CRYBG3: variants seen among roughly 807,000 people sequenced by gnomAD.
CRYBG3 encodes very large A-kinase anchor protein.
A neutral mutation model predicts 244.2 loss-of-function variants in CRYBG3; 127 were observed. That is an observed-to-expected ratio of 0.52 (90% CI 0.45 to 0.60). The LOEUF (loss-of-function observed/expected upper bound fraction) is 0.60, where lower values mean the gene tolerates loss of function less well. Among genes scored for constraint, CRYBG3 ranks in the 20% least tolerant of loss-of-function variants. CRYBG3 has a pLI of 0.00. For missense variants in CRYBG3, 3,325 were observed against 3,442.5 expected (o/e 0.97, Z 0.85); for synonymous variants, 1,132 against 1,195.8 (o/e 0.95, Z 1.10).
At chr3:97,865,721 G>A (rs888245596) in intron 3 of CRYBG3, among the ~76,000 whole-genome samples, 1 of 151,996 alleles carries the variant, frequency 6.6e-6, no homozygotes, top group Admixed American at 6.6e-5. Context: ...AGAATATGAT[G>A]GCATTATGTG....
intron 6 of CRYBG3, among the ~76,000 whole-genome samples, chr3:97,880,777 C>T (rs1441862110): frequency 2.0e-5 from 3 of 152,150 alleles, no homozygotes; most frequent in East Asian, 1.9e-4. Context: ...TGTATAGTTT[C>T]GTATAGACCA....
chr3:97,877,461 T>C lies in CRYBG3; in HGVS notation c.6267T>C (p.Tyr2089=). Reference sequence around the variant, plus strand: ...ATCCTTTAGCATTGTCTCCCATTTATGAGGATGACAGCTCACAGGAGGACA... The same window carrying C: ...ATCCTTTAGCATTGTCTCCCATTTACGAGGATGACAGCTCACAGGAGGACA... ...KIYPLALSPI[Y]EDDSSQEDIL... The change falls in exon 4 of 22, where the codon TAT becomes TAC. Residue 2089 remains tyrosine (Y), a synonymous_variant. Transcript: ENST00000389622. The C allele has an allele frequency of 6.2e-7, 1 of 1,614,196 alleles. No individual in the cohort carries two copies. The highest frequency in any genetic ancestry group is 1.6e-4 in the Middle Eastern group (1 of 6,062).
In CRYBG3 at chr3:97,872,123, G is replaced by C; in HGVS notation, c.929G>C (p.Ser310Thr). The C allele has an allele frequency of 6.5e-7, 1 of 1,536,008 alleles. No individual in the cohort carries two copies. The highest frequency in any genetic ancestry group is 8.7e-7 in the Non-Finnish European group (1 of 1,146,814). The change falls in exon 4 of 22, where the codon AGT becomes ACT. Residue 310 changes from serine (S) to threonine (T), a missense_variant. By Grantham distance (58) the Ser-to-Thr change is moderately conservative. This residue lies in a region of CRYBG3 where 1,526 missense variants were observed against 1,443.2 expected (regional missense o/e 1.06). Coordinates refer to ENST00000389622, the MANE Select transcript of CRYBG3 (RefSeq NM_153605.4). ...GAAGACTCTGATTGTAGCAAAACAA[G>C]TTTCAACAAGGAAAATTCTTTGACA... ...PLEDSDCSKT[S>T]FNKENSLTNN...
At position 97,912,252 on chromosome 3, in the gene CRYBG3, G is replaced by A. The variant is rs764878377; in HGVS notation, c.8090G>A (p.Cys2697Tyr). 4.4e-6 allele frequency: 7 copies of A among 1,601,802 alleles called. No individual in the cohort carries two copies. The highest frequency in any genetic ancestry group is 3.4e-5 in the Admixed American group (2 of 58,672). Reference sequence around the variant, plus strand: ...TCTGATTTGACTTCACTCATGCCATGTTCTTTTAAAGTTCTTCGAGGTTGG... The same window carrying A: ...TCTGATTTGACTTCACTCATGCCATATTCTTTTAAAGTTCTTCGAGGTTGG... Reference protein sequence around the residue: ...ETSDLTSLMPCSFKVLRGCWL... With the variant: ...ETSDLTSLMPYSFKVLRGCWL... The change falls in exon 16 of 22, where the codon TGT becomes TAT. Residue 2697 changes from cysteine (C) to tyrosine (Y), a missense_variant. This residue lies in a region of CRYBG3 where 714 missense variants were observed against 803.6 expected (regional missense o/e 0.89). Coordinates refer to ENST00000389622, the MANE Select transcript of CRYBG3 (RefSeq NM_153605.4).
chr3:97,889,297 A>G, intron 9 of CRYBG3, 58 bp from the exon 10 acceptor site: 1 of 1,288,632 alleles, frequency 7.8e-7, no homozygotes, highest in Non-Finnish European at 1.1e-6. Context: ...TTCAGATATT[A>G]CATTCAAATG....
chr3:97,822,790 A>G (rs2038523249), intron 1 of CRYBG3, among the ~76,000 whole-genome samples: 2 of 152,220 alleles, frequency 1.3e-5, no homozygotes, highest in Admixed American at 1.3e-4. Flanking sequence ...TGGGGGCGCG[A>G]TCCCAGCACC....
At position 97,876,214 on chromosome 3, in the gene CRYBG3, C is replaced by T. The variant is rs2039370023; in HGVS notation, c.5020C>T (p.His1674Tyr). 2 of 1,231,364 alleles carry T rather than the reference C, an allele frequency of 1.6e-6. No individual in the cohort carries two copies. Among genetic ancestry groups the T allele is most frequent in the Non-Finnish European group, 2.0e-6 (2 of 987,824 alleles). The allele number at this position is 1,231,364 out of a possible 1,614,324, so 76.3% of individuals were successfully genotyped here. Reference sequence around the variant, plus strand: ...AGACATGGAAAATATTTACCAAACGCATGCTGAAGGGGATATTGGCAAGAC... The same window carrying T: ...AGACATGGAAAATATTTACCAAACGTATGCTGAAGGGGATATTGGCAAGAC... ...TVDMENIYQT[H>Y]AEGDIGKTGT... The change falls in exon 4 of 22, where the codon CAT becomes TAT. Residue 1674 changes from histidine to tyrosine, a missense_variant. By Grantham distance (83) the His-to-Tyr change is moderately conservative. Transcript: ENST00000389622.
chr3:97,828,563 A>C (rs1271558087), intron 1 of CRYBG3, among the ~76,000 whole-genome samples: 1 of 150,896 alleles, frequency 6.6e-6, no homozygotes, highest in African/African-American at 2.4e-5. Context: ...GTGGTGGCTC[A>C]TGCCTGTAAT....
intron 17 of CRYBG3, among the ~76,000 whole-genome samples, chr3:97,930,327 A>G (rs748052928): frequency 1.3e-5 from 2 of 152,020 alleles, no homozygotes; most frequent in Non-Finnish European, 2.9e-5. Context: ...ACTTTCTAAA[A>G]ATCTTGAGAG....
chr3:97,888,511 T>A, intron 9 of CRYBG3, 56 bp downstream of exon 9: 1 of 1,129,536 alleles, frequency 8.9e-7, no homozygotes, highest in Non-Finnish European at 1.3e-6. Flanking sequence ...AATCCAAAAT[T>A]AAATAACCAT....
chr3:97,888,418 C>A lies in CRYBG3; in HGVS notation c.7367C>A (p.Ser2456Tyr). The change falls in exon 9 of 22, where the codon TCT becomes TAT. Residue 2456 changes from serine (S) to tyrosine (Y), a missense_variant. By Grantham distance (144) the Ser-to-Tyr change is moderately radical (BLOSUM62 -2). Coordinates refer to ENST00000389622, the MANE Select transcript of CRYBG3 (RefSeq NM_153605.4). ...LEEDHGLFEI[S>Y]TAEMKSLHPL... is the part of the protein sequence containing the mutation. ...GAAGACCATGGGCTCTTTGAGATTTCTACAGCAGAAATGAAATCATTACAT... is the reference window on the plus strand; with the variant it reads ...GAAGACCATGGGCTCTTTGAGATTTATACAGCAGAAATGAAATCATTACAT... The A allele has an allele frequency of 6.2e-7, 1 of 1,612,232 alleles. No individual in the cohort carries two copies. Among genetic ancestry groups the A allele is most frequent in the Non-Finnish European group, 8.5e-7 (1 of 1,178,568 alleles).
chr3:97,850,614 C>T (rs2038970941), intron 2 of CRYBG3, among the ~76,000 whole-genome samples: 2 of 152,110 alleles, frequency 1.3e-5, no homozygotes, highest in Non-Finnish European at 2.9e-5. Flanking sequence ...AGGTAGTTGC[C>T]TACCTACCTT....
At chr3:97,916,383 A>C (rs2039929541) in intron 17 of CRYBG3, among the ~76,000 whole-genome samples, 2 of 152,166 alleles carry the variant, frequency 1.3e-5, no homozygotes, top group African/African-American at 4.8e-5. Context: ...TCTGAGGCCC[A>C]TATTTATAGA....
At chr3:97,855,898 C>T (rs549112093) in intron 2 of CRYBG3, among the ~76,000 whole-genome samples, 3 of 152,140 alleles carry the variant, frequency 2.0e-5, no homozygotes, top group East Asian at 3.9e-4. Context: ...AAGACTGGGG[C>T]GAAATTAAAA....
At chr3:97,839,989 A>G (rs1402141798) in intron 1 of CRYBG3, among the ~76,000 whole-genome samples, 2 of 152,100 alleles carry the variant, frequency 1.3e-5, no homozygotes, top group Non-Finnish European at 1.5e-5. Flanking sequence ...ATAAGTTTAT[A>G]TTCTCGTTGG....
chr3:97,840,125 T>G (rs1226229742), intron 1 of CRYBG3, among the ~76,000 whole-genome samples: 1 of 151,894 alleles, frequency 6.6e-6, no homozygotes, highest in Admixed American at 6.6e-5. Flanking sequence ...TAGAGTTGAT[T>G]AGGGTGGGGA....
rs116513868 is a variant in CRYBG3 at position 97,855,939 on chromosome 3, T to C, written c.217-8278T>C. Reference sequence around the variant, plus strand: ...AATGAAGTTTCGGACACCACTGTCATTGACAACATCTTATCAGGAGACAGG... The same window carrying C: ...AATGAAGTTTCGGACACCACTGTCACTGACAACATCTTATCAGGAGACAGG... On this transcript the variant is annotated intron_variant, in intron 2 of 21. Coordinates refer to ENST00000389622, the MANE Select transcript of CRYBG3 (RefSeq NM_153605.4). Among the ~76,000 whole-genome samples the C allele has an allele frequency of 3.2e-3, 484 of 152,256 alleles. 1 individual carries two copies. Among genetic ancestry groups the C allele is most frequent in the African/African-American group, 0.011 (468 of 41,546 alleles).
chr3:97,937,747 A>G (rs1369369176), intron 19 of CRYBG3, among the ~76,000 whole-genome samples: 1 of 152,092 alleles, frequency 6.6e-6, no homozygotes, highest in Non-Finnish European at 1.5e-5. Flanking sequence ...TGCCTGAAAC[A>G]ATATCTGGAA....
intron 19 of CRYBG3, among the ~76,000 whole-genome samples, chr3:97,938,933 A>G (rs919871899): frequency 2.0e-5 from 3 of 151,922 alleles, no homozygotes; most frequent in Admixed American, 1.3e-4. Flanking sequence ...CACTCCTATC[A>G]TGTGGAACAG....
Sources: allele counts gnomAD v4.1 joint callset (sites outside exome capture counted in the v4.1 genomes callset), GRCh38; gene constraint gnomAD v4.1.1; regional missense constraint gnomAD v4.1.1; transcripts MANE v1.5; gene names NCBI Gene and HGNC (gene_info 2026-07-23, HGNC 2026-07-21).